The following RNF216 variants were observed in gnomAD, a reference collection of about 807,000 sequenced individuals.
The protein encoded by RNF216 is E3 ubiquitin-protein ligase RNF216.
In RNF216, 72 loss-of-function variants were observed where a neutral mutation model predicts 110.8. The observed-to-expected ratio is 0.65, with a 90% CI of 0.54 to 0.79. The LOEUF (loss-of-function observed/expected upper bound fraction) is 0.79. RNF216 is among the 30% of genes least tolerant of loss of function. The pLI, the probability that RNF216 is intolerant of heterozygous loss-of-function variation, is 0.00. For synonymous variants in RNF216, 495 were observed against 407.5 expected (o/e 1.21, Z -2.59); for missense variants, 1,342 against 1,141.2 (o/e 1.18, Z -2.54).
intron 2 of RNF216, among the ~76,000 whole-genome samples, chr7:5,759,046 T>C (rs1201110577): frequency 1.3e-5 from 2 of 152,152 alleles, no homozygotes; most frequent in Non-Finnish European, 2.9e-5. Context: ...CATAAATGAT[T>C]TAGCACAATC....
intron 1 of RNF216, among the ~76,000 whole-genome samples, chr7:5,768,310 G>A (rs1796310588): frequency 8.9e-6 from 1 of 112,052 alleles, no homozygotes; most frequent in South Asian, 2.8e-4. Flanking sequence ...AAAAAAAAAA[G>A]GCTGGGTCCA....
intron 3 of RNF216, among the ~76,000 whole-genome samples, chr7:5,745,858 T>G (rs978966910): frequency 1.4e-5 from 2 of 142,252 alleles, no homozygotes; most frequent in East Asian, 4.1e-4. Flanking sequence ...ATCAGGCCAC[T>G]GCACTCCAGC....
chr7:5,725,534 C>T (rs192004086), intron 7 of RNF216, 96 bp from the exon 8 acceptor site: 3 of 743,624 alleles, frequency 4.0e-6, no homozygotes, highest in East Asian at 2.5e-5. Flanking sequence ...ACAGTTTCAG[C>T]TGTCTACCCA....
chr7:5,651,519 A>G (rs1788386789), intron 14 of RNF216, among the ~76,000 whole-genome samples: 1 of 152,038 alleles, frequency 6.6e-6, no homozygotes, highest in Admixed American at 6.6e-5. Context: ...GGCCTGAGCT[A>G]CCCTGCCCGG....
At chr7:5,708,548 G>A (rs575719013) in intron 13 of RNF216, among the ~76,000 whole-genome samples, 2 of 152,284 alleles carry the variant, frequency 1.3e-5, no homozygotes, top group East Asian at 3.9e-4. Flanking sequence ...TTTCAGTACA[G>A]TACTCAATAA....
intron 13 of RNF216, among the ~76,000 whole-genome samples, chr7:5,691,289 G>A (rs1436571163): frequency 6.6e-6 from 1 of 152,222 alleles, no homozygotes; most frequent in Non-Finnish European, 1.5e-5. Flanking sequence ...CTAGGACACT[G>A]TCTTGTGACC....
chr7:5,683,364 A>G (rs1222093008), intron 13 of RNF216, among the ~76,000 whole-genome samples: 1 of 152,036 alleles, frequency 6.6e-6, no homozygotes, highest in East Asian at 1.9e-4. Context: ...ACAATCCACA[A>G]GTTGGAGGCT....
In RNF216 at chr7:5,774,606, C is replaced by T. The variant is rs113814442; in HGVS notation, c.-70+6935G>A. Among the ~76,000 whole-genome samples, 287 of 152,176 alleles carry T rather than the reference C, an allele frequency of 1.9e-3. 3 individuals carry two copies. Among genetic ancestry groups the T allele is most frequent in the Middle Eastern group, 0.01 (3 of 294 alleles). On this transcript the variant is annotated intron_variant, in intron 1 of 16. Coordinates refer to ENST00000389902, the MANE Select transcript of RNF216 (RefSeq NM_207111.4). ...AATCAAAATAGCTATTCTTACATTA[C>T]AAGGCTATGTTGAAAAATGAGAAGC...
chr7:5,765,039 C>G (rs990329451), intron 1 of RNF216, among the ~76,000 whole-genome samples: 1 of 150,724 alleles, frequency 6.6e-6, no homozygotes, highest in Non-Finnish European at 1.5e-5. Flanking sequence ...CCACTGCACT[C>G]CAGCCTAGGA....
chr7:5,738,087 CAAAAAAAAAAAAAA>C (rs200643372), intron 5 of RNF216, among the ~76,000 whole-genome samples: 51 of 110,996 alleles, frequency 4.6e-4, no homozygotes, highest in African/African-American at 5.5e-4. Context: ...AGACTGTCTC[CAAAAAAAAAAAAAA>C]AAAAAAAAAA....
intron 13 of RNF216, among the ~76,000 whole-genome samples, chr7:5,689,221 G>A (rs1407715483): frequency 1.3e-5 from 2 of 152,054 alleles, no homozygotes; most frequent in Non-Finnish European, 2.9e-5. Context: ...CGGGGGCAAA[G>A]GGCAGGCCTG....
At chr7:5,634,504 G>A (rs1787277048) in intron 15 of RNF216, among the ~76,000 whole-genome samples, 1 of 152,244 alleles carries the variant, frequency 6.6e-6, no homozygotes, top group Non-Finnish European at 1.5e-5. Flanking sequence ...AGTTGGGGGA[G>A]GGAGCAGCAG....
intron 3 of RNF216, among the ~76,000 whole-genome samples, chr7:5,745,967 A>G (rs1193734184): frequency 6.6e-6 from 1 of 151,948 alleles, no homozygotes; most frequent in Non-Finnish European, 1.5e-5. Context: ...CTGATGCTAG[A>G]CTCACAATAA....
chr7:5,632,812 G>A (rs138814677), intron 15 of RNF216, among the ~76,000 whole-genome samples: 46 of 152,118 alleles, frequency 3.0e-4, no homozygotes, highest in African/African-American at 1.0e-3. Context: ...GTGCCCCATC[G>A]CTACTCCAGA....
intron 14 of RNF216, among the ~76,000 whole-genome samples, chr7:5,649,487 T>G (rs852525): frequency 0.019 from 2,881 of 152,140 alleles, 40 homozygotes; most frequent in South Asian, 0.05. Flanking sequence ...CCAGCCTGGA[T>G]GACAGAATAA....
In RNF216 at chr7:5,721,044, C is replaced by G; in HGVS notation, c.1633G>C (p.Glu545Gln). 1 of 1,614,232 alleles carries G rather than the reference C, an allele frequency of 6.2e-7. No individual in the cohort carries two copies. The highest frequency in any genetic ancestry group is 8.5e-7 in the Non-Finnish European group (1 of 1,180,040). Residue 545 changes from glutamate to glutamine, a missense_variant, in exon 9 of 17, where the codon GAG becomes CAG. Physicochemically the swap from Glu to Gln is conservative, Grantham distance 29. Coordinates refer to ENST00000389902, the MANE Select transcript of RNF216 (RefSeq NM_207111.4). ...GCACATCTTCCTACCTCTGCCATCTCTTTGATTTTCTGCTCATAGAACTCC... is the reference window on the plus strand; with the variant it reads ...GCACATCTTCCTACCTCTGCCATCTGTTTGATTTTCTGCTCATAGAACTCC... The part of the protein sequence containing the change: ...EQEFYEQKIK[E>Q]MAEHEDFLLA...
At chr7:5,634,438 C>A (rs1317724173) in intron 15 of RNF216, among the ~76,000 whole-genome samples, 1 of 152,236 alleles carries the variant, frequency 6.6e-6, no homozygotes, top group African/African-American at 2.4e-5. Flanking sequence ...AGCCACAGAT[C>A]GCCTGAGCAA....
In RNF216 at chr7:5,779,497, A is replaced by G. The variant is rs145640320; in HGVS notation, c.-70+2044T>C. Among the ~76,000 whole-genome samples the G allele has an allele frequency of 9.9e-5, 15 of 152,150 alleles. No homozygotes were observed. The East Asian group carries it at 2.7e-3, about 27-fold the overall frequency. ...TTCTTCCTTAAAGCAAGCCGACTAA[A>G]TTGAGATGTTTCATAGAATCTTCCC... On this transcript the variant is annotated intron_variant, in intron 1 of 16. Coordinates refer to ENST00000389902, the MANE Select transcript of RNF216 (RefSeq NM_207111.4).
chr7:5,625,354 A>G lies in RNF216; in HGVS notation c.2383-1229T>C, dbSNP rs144171985. ...AATGCAAGCAGTCTAATGAAAGCAC[A>G]TTTATTTTCCTAGACACGGCGTCAG... On this transcript the variant is annotated intron_variant, in intron 15 of 16. Coordinates refer to ENST00000389902, the MANE Select transcript of RNF216 (RefSeq NM_207111.4). Among the ~76,000 whole-genome samples the G allele has an allele frequency of 9.2e-5, 14 of 152,368 alleles. No homozygotes were observed. The East Asian group carries it at 2.7e-3, about 29-fold the overall frequency.
Sources: allele counts gnomAD v4.1 joint callset (sites outside exome capture counted in the v4.1 genomes callset), GRCh38; gene constraint gnomAD v4.1.1; transcripts MANE v1.5; gene names NCBI Gene and HGNC (gene_info 2026-07-23, HGNC 2026-07-21).